LRRFIP2: variants seen among roughly 807,000 people sequenced by gnomAD.
LRRFIP2 encodes the protein LRR binding FLII interacting protein 2.
A neutral mutation model predicts 125.9 loss-of-function variants in LRRFIP2; 109 were observed. The ratio of observed to expected loss-of-function variants is 0.87; its 90% CI spans 0.74 to 1.01. The LOEUF is 1.01. Ranked by LOEUF, LRRFIP2 falls within the 50% of genes least tolerant of loss-of-function variation. The pLI is 0.00. For synonymous variants in LRRFIP2, 291 were observed against 293.1 expected (o/e 0.99, Z 0.07); for missense variants, 850 against 862.3 (o/e 0.99, Z 0.18).
At chr3:37,073,484 T>A (rs181838578) in intron 20 of LRRFIP2, among the ~76,000 whole-genome samples, 3 of 152,160 alleles carry the variant, frequency 2.0e-5, no homozygotes, top group Non-Finnish European at 4.4e-5. Flanking sequence ...TTTCTTCTTA[T>A]GCATTATTGG....
chr3:37,135,232 G>A (rs56280528), intron 2 of LRRFIP2: 11,114 of 638,360 alleles, frequency 0.017, 146 homozygotes, highest in Middle Eastern at 0.046. Flanking sequence ...AGTCCAAGGC[G>A]GGCTGATCAC....
intron 13 of LRRFIP2, among the ~76,000 whole-genome samples, chr3:37,107,749 AAC>A (rs1005315885): frequency 2.6e-5 from 4 of 152,354 alleles, no homozygotes; most frequent in African/African-American, 9.6e-5. Flanking sequence ...AGAAAGGAGA[AAC>A]ACAGGATAGT....
At chr3:37,158,713 CA>C (rs1452656237) in intron 1 of LRRFIP2, among the ~76,000 whole-genome samples, 2 of 150,592 alleles carry the variant, frequency 1.3e-5, no homozygotes, top group Non-Finnish European at 3.0e-5. Flanking sequence ...CAAGATGAAA[CA>C]AAAAGTAAGG....
intron 12 of LRRFIP2, 81 bp downstream of exon 12, chr3:37,108,556 A>G: frequency 8.6e-7 from 1 of 1,169,548 alleles, no homozygotes; most frequent in Non-Finnish European, 1.2e-6. Context: ...TTTTTTATTA[A>G]TTTTTGACTT....
chr3:37,107,571 T>G (rs1233518627), intron 13 of LRRFIP2, among the ~76,000 whole-genome samples: 2 of 152,218 alleles, frequency 1.3e-5, no homozygotes, highest in Non-Finnish European at 2.9e-5. Flanking sequence ...ATTATTTTTA[T>G]AAACTTTTAA....
At chr3:37,122,981 C>G (rs189450093) in intron 4 of LRRFIP2, among the ~76,000 whole-genome samples, 1 of 152,300 alleles carries the variant, frequency 6.6e-6, no homozygotes, top group East Asian at 1.9e-4. Context: ...ACATTACTGA[C>G]CAACTGGGTT....
At chr3:37,154,939 T>G (rs1184869533) in intron 1 of LRRFIP2, among the ~76,000 whole-genome samples, 1 of 152,234 alleles carries the variant, frequency 6.6e-6, no homozygotes, top group African/African-American at 2.4e-5. Context: ...CTAGTATGTC[T>G]TTGCATCACA....
At chr3:37,077,061 A>G (rs2092149845) in intron 19 of LRRFIP2, among the ~76,000 whole-genome samples, 5 of 152,212 alleles carry the variant, frequency 3.3e-5, no homozygotes. Context: ...CCAGAACAGA[A>G]CTATGGGGAA....
Position 37,066,004 on chromosome 3 carries a change from G to C in LRRFIP2, c.1567-62C>G, listed in dbSNP as rs1489038003. The C allele has an allele frequency of 2.5e-6, 4 of 1,601,022 alleles. No homozygotes were observed. The Admixed American group carries it at 5.0e-5, about 20-fold the overall frequency. Reference sequence around the variant, plus strand: ...GTATGGAAGCTGTAAGCTCTGTGAGGTCACTCTGCAACAATACATGTTTGC... The same window carrying C: ...GTATGGAAGCTGTAAGCTCTGTGAGCTCACTCTGCAACAATACATGTTTGC... On this transcript the variant is annotated intron_variant, in intron 22 of 27. Transcript: ENST00000336686.
intron 19 of LRRFIP2, among the ~76,000 whole-genome samples, chr3:37,081,479 G>C (rs1304976923): frequency 6.6e-6 from 1 of 152,094 alleles, no homozygotes; most frequent in Admixed American, 6.6e-5. Flanking sequence ...TTTAGAACAA[G>C]AGAGCTCGGA....
chr3:37,091,676 T>C, intron 17 of LRRFIP2, 138 bp from the exon 18 acceptor site: 1 of 629,200 alleles, frequency 1.6e-6, no homozygotes, highest in Non-Finnish European at 2.7e-6. Flanking sequence ...AAAACATAAC[T>C]CCCACTCCCA....
chr3:37,055,328 G>T (rs953635299), intron 25 of LRRFIP2, among the ~76,000 whole-genome samples, 163 bp from the exon 26 acceptor site: 1 of 152,162 alleles, frequency 6.6e-6, no homozygotes, highest in African/African-American at 2.4e-5. Flanking sequence ...ATTTTGGGAG[G>T]CCGAGGTGGG....
At chr3:37,070,685 G>A (rs897084058) in intron 21 of LRRFIP2, among the ~76,000 whole-genome samples, 5 of 152,216 alleles carry the variant, frequency 3.3e-5, no homozygotes, top group African/African-American at 9.6e-5. Flanking sequence ...AGCTGAGATC[G>A]TGCCACTATA....
intron 18 of LRRFIP2, among the ~76,000 whole-genome samples, chr3:37,084,817 T>TAC (rs1319924423): frequency 6.6e-6 from 1 of 152,104 alleles, no homozygotes; most frequent in Non-Finnish European, 1.5e-5. Flanking sequence ...TAACTATATC[T>TAC]ACTTTGGTAA....
chr3:37,141,048 G>A (rs1049086586), intron 2 of LRRFIP2, among the ~76,000 whole-genome samples: 15 of 152,106 alleles, frequency 9.9e-5, no homozygotes, highest in Admixed American at 3.9e-4. Flanking sequence ...GCTGGGTGTC[G>A]TGGTACATGC....
Position 37,149,012 on chromosome 3 carries a change from G to C in LRRFIP2, c.-29C>G. On this transcript the variant is annotated 5_prime_UTR_variant, in exon 2 of 28. Transcript: ENST00000336686. ...GTGTTCTTAATAGTCTTTTAACTTT[G>C]AAAGTGATTTAACTGTGTTTTCAGC... 6.2e-7 allele frequency: 1 copy of C among 1,611,816 alleles called. No individual in the cohort carries two copies. Among genetic ancestry groups the C allele is most frequent in the Non-Finnish European group, 8.5e-7 (1 of 1,179,072 alleles).
intron 18 of LRRFIP2, among the ~76,000 whole-genome samples, chr3:37,088,505 C>T (rs1576367775): frequency 6.9e-6 from 1 of 145,564 alleles, no homozygotes; most frequent in South Asian, 2.4e-4. Context: ...GGTGAGACTG[C>T]ATTTAAAAAA....
intron 24 of LRRFIP2, 46 bp from the exon 25 acceptor site, chr3:37,058,956 TG>T (rs2087724105): frequency 6.2e-7 from 1 of 1,609,444 alleles, no homozygotes. Context: ...ATCTCTCAAA[TG>T]AAGCCGATGC....
chr3:37,125,623 G>A (rs2095244718), intron 4 of LRRFIP2, among the ~76,000 whole-genome samples: 1 of 152,172 alleles, frequency 6.6e-6, no homozygotes, highest in Non-Finnish European at 1.5e-5. Flanking sequence ...GCACAGTGCT[G>A]ATATACAGTA....
Sources: gnomAD v4.1 joint callset for allele counts (sites outside exome capture counted in the v4.1 genomes callset) on GRCh38, gnomAD v4.1.1 for gene constraint, MANE v1.5 for transcripts, NCBI Gene and HGNC (gene_info 2026-07-23, HGNC 2026-07-21) for gene names.